TBC1D10C: variants seen among roughly 807,000 people sequenced by gnomAD.
TBC1D10C encodes the protein TBC1 domain family member 10C, also known as carabin.
Under a neutral mutation model 51.0 loss-of-function variants are expected in TBC1D10C, and 49 were observed. The observed-to-expected ratio is 0.96, with a 90% CI of 0.76 to 1.22. The LOEUF (loss-of-function observed/expected upper bound fraction) is 1.22, where lower values mean the gene tolerates loss of function less well. TBC1D10C is among the 50% of genes most tolerant of loss of function. The probability of loss-of-function intolerance (pLI) is 0.00; values close to 1 mark genes in which losing one functional copy is unlikely to be tolerated. For missense variants in TBC1D10C, 541 were observed against 617.5 expected, an observed-to-expected ratio of 0.88 and a Z score of 1.31; for synonymous variants, 281 against 266.7, an observed-to-expected ratio of 1.05 and a Z score of -0.52.
At chr11:67,406,243 T>C (rs987451657) in intron 5 of TBC1D10C, 2 of 528,406 alleles carry the variant, frequency 3.8e-6, no homozygotes, top group Non-Finnish European at 6.6e-6. Context: ...TCTAGGAATC[T>C]GGATGTTATC....
chr11:67,407,240 G>A (rs1326199063), intron 7 of TBC1D10C: 2 of 577,628 alleles, frequency 3.5e-6, no homozygotes, highest in Non-Finnish European at 6.0e-6. Flanking sequence ...TGGGGCAGGA[G>A]CAGGGTGATC....
At position 67,409,656 on chromosome 11, in the gene TBC1D10C, A is replaced by C; in HGVS notation, c.1243A>C (p.Thr415Pro). 1 of 1,602,942 alleles carries C rather than the reference A, an allele frequency of 6.2e-7. No homozygotes were observed. Among genetic ancestry groups the C allele is most frequent in the South Asian group, 1.1e-5 (1 of 90,320 alleles). Residue 415 changes from threonine (T) to proline (P), a missense_variant, in exon 9 of 9, where the codon ACT becomes CCT. Coordinates refer to ENST00000542590, the MANE Select transcript of TBC1D10C (RefSeq NM_001369496.1). ...GCGGAAACCCCAGACCCGCGGCAAG[A>C]CTTTCCATGGGCTCCTGACTCGGGC... ...PRRKPQTRGK[T>P]FHGLLTRARG...
chr11:67,409,073 A>G lies in TBC1D10C; in HGVS notation c.933A>G (p.Thr311=), dbSNP rs752682113. Residue 311 remains threonine, a synonymous_variant, in exon 8 of 9, where the codon ACA becomes ACG. Transcript: ENST00000542590. The stretch of plus-strand genomic sequence containing the variant: ...GGGCCTGCCCTGGCCTCCTGGAGAC[A>G]CTGGGAGCCCTTCGAGCCATCCCCC... ...QRGACPGLLE[T]LGALRAIPPA... 3 of 1,603,794 alleles carry G rather than the reference A, an allele frequency of 1.9e-6. No individual in the cohort carries two copies. The South Asian group carries it at 3.4e-5, about 18-fold the overall frequency.
intron 5 of TBC1D10C, chr11:67,406,325 G>T: frequency 1.9e-6 from 1 of 514,176 alleles, no homozygotes; most frequent in South Asian, 3.1e-5. Context: ...AGAAACCCAG[G>T]ACTTGAACTT....
In TBC1D10C at chr11:67,404,216, TG is replaced by T; in HGVS notation, c.19del (p.Glu7ArgfsTer59). On this transcript the variant is annotated frameshift_variant, in exon 1 of 9. Transcript: ENST00000542590. LOFTEE classifies it high-confidence loss of function. ...GCCCCGGGCACCATGGCCCAGGCCC[TG>T]GGGGAGGACCTGGTGCAGCCTCCCG... MAQA[L>X]GEDLVQPPEL... 2 of 1,564,260 alleles carry T rather than the reference TG, an allele frequency of 1.3e-6. No homozygotes were observed. Among genetic ancestry groups the T allele is most frequent in the Non-Finnish European group, 1.7e-6 (2 of 1,150,584 alleles).
At chr11:67,405,285 G>A (rs964493884) in intron 2 of TBC1D10C, 101 bp downstream of exon 2, 47 of 1,493,036 alleles carry the variant, frequency 3.1e-5, no homozygotes, top group Non-Finnish European at 4.0e-5. Context: ...CAGCACCTCC[G>A]GCCTTTGCTC....
At chr11:67,408,718 C>T (rs568758291) in intron 7 of TBC1D10C, 571 of 417,428 alleles carry the variant, frequency 1.4e-3, no homozygotes, top group Non-Finnish European at 2.2e-3. Flanking sequence ...TTCATTTTGG[C>T]GGGGGTGGGG....
chr11:67,404,491 G>T, intron 1 of TBC1D10C, 137 bp downstream of exon 1: 1 of 931,890 alleles, frequency 1.1e-6, no homozygotes, highest in Non-Finnish European at 1.5e-6. Context: ...CCCTCTGCAG[G>T]TGCCAGGTGG....
chr11:67,405,862 G>T (rs372100954), intron 4 of TBC1D10C, 41 bp from the exon 5 acceptor site: 17 of 1,553,644 alleles, frequency 1.1e-5, no homozygotes, highest in Non-Finnish European at 1.5e-5. Context: ...GGAGAAGGGG[G>T]TGCCTGCAGG....
chr11:67,404,466 C>A, intron 1 of TBC1D10C, 112 bp downstream of exon 1: 2 of 1,187,710 alleles, frequency 1.7e-6, no homozygotes, highest in Non-Finnish European at 2.3e-6. Context: ...GGGAGGGGGA[C>A]TCAGCCAGTA....
chr11:67,409,160 T>C, intron 8 of TBC1D10C, 27 bp downstream of exon 8: 1 of 1,566,618 alleles, frequency 6.4e-7, no homozygotes, highest in Admixed American at 1.9e-5. Context: ...CTCCTTGGAC[T>C]TGCCCAGCCC....
chr11:67,405,194 G>T lies in TBC1D10C; in HGVS notation c.252+10G>T, dbSNP rs756747545. 1.9e-6 allele frequency: 3 copies of T among 1,550,572 alleles called. No homozygotes were observed. In the African/African-American group the frequency reaches 4.1e-5, roughly 21 times the overall value. On this transcript the variant is annotated intron_variant, in intron 2 of 8. Coordinates refer to ENST00000542590, the MANE Select transcript of TBC1D10C (RefSeq NM_001369496.1). ...CCGGCGGTACAAGAAGGTGAGGGGGGCAGGGGCCCCACTTGGCTTCCATGG... is the reference window on the plus strand; with the variant it reads ...CCGGCGGTACAAGAAGGTGAGGGGGTCAGGGGCCCCACTTGGCTTCCATGG...
rs957485675 is a variant in TBC1D10C, at chr11:67,409,812, G to C, written c.*58G>C. The stretch of plus-strand genomic sequence containing the variant: ...ATTGCCTGATGGCTGATGCCGGCCC[G>C]GCAAATAGGCACCGCACTTTACTCT... On this transcript the variant is annotated 3_prime_UTR_variant, in exon 9 of 9. Transcript: ENST00000542590. 4 of 1,389,964 alleles carry C rather than the reference G, an allele frequency of 2.9e-6. No homozygotes were observed. The highest frequency in any genetic ancestry group is 2.9e-6 in the Non-Finnish European group (3 of 1,033,628). The allele number at this position is 1,389,964 out of a possible 1,614,324, so 86.1% of individuals were successfully genotyped here.
At chr11:67,405,217 T>C (rs1162688041) in intron 2 of TBC1D10C, 33 bp downstream of exon 2, 2 of 1,542,662 alleles carry the variant, frequency 1.3e-6, no homozygotes, top group Non-Finnish European at 1.8e-6. Flanking sequence ...TTGGCTTCCA[T>C]GGCTCATTCC....
intron 7 of TBC1D10C, 167 bp from the exon 8 acceptor site, chr11:67,408,812 C>T: frequency 2.3e-6 from 2 of 854,656 alleles, no homozygotes; most frequent in Non-Finnish European, 3.3e-6. Flanking sequence ...TTGGCCAGTA[C>T]AGCGGCCTGT....
At chr11:67,408,816 G>C in intron 7 of TBC1D10C, 163 bp from the exon 8 acceptor site, 1 of 877,028 alleles carries the variant, frequency 1.1e-6, no homozygotes, top group South Asian at 2.2e-5. Context: ...CCAGTACAGC[G>C]GCCTGTGTTA....
chr11:67,406,333 C>T, intron 5 of TBC1D10C: 1 of 518,508 alleles, frequency 1.9e-6, no homozygotes, highest in South Asian at 3.0e-5. Context: ...AGGACTTGAA[C>T]TTTGGGACAC....
Position 67,409,609 on chromosome 11 carries a change from C to T in TBC1D10C, c.1196C>T (p.Pro399Leu), listed in dbSNP as rs377716251. 43 of 1,555,058 alleles carry T rather than the reference C, an allele frequency of 2.8e-5. No individual in the cohort carries two copies. The highest frequency in any genetic ancestry group is 6.8e-5 in the African/African-American group (5 of 73,628). ...GTGCCTCGGATTGTGGTGCAGCCCC[C>T]GGAGGAGCCCAGACCACCGCGGCGG... ...PEVPRIVVQP[P>L]EEPRPPRRKP... The change falls in exon 9 of 9, where the codon CCG (proline) becomes CTG (leucine). Residue 399 changes from proline (P) to leucine (L), a missense_variant. Transcript: ENST00000542590.
upstream of TBC1D10C, chr11:67,404,002 C>A: frequency 1.8e-6 from 1 of 547,802 alleles, no homozygotes; most frequent in Non-Finnish European, 2.9e-6. Context: ...GGGGCTGGGT[C>A]TCCGGACAGA....
Sources: allele counts gnomAD v4.1 joint callset, GRCh38; gene constraint gnomAD v4.1.1; transcripts MANE v1.5; gene names NCBI Gene and HGNC (gene_info 2026-07-23, HGNC 2026-07-21).